OTOGL: variants seen among roughly 807,000 people sequenced by gnomAD.
OTOGL encodes the protein otogelin like.
In OTOGL, 285 loss-of-function variants were observed where a neutral mutation model predicts 318.5. The ratio of observed to expected loss-of-function variants is 0.89; its 90% CI spans 0.81 to 0.99. OTOGL has a LOEUF of 0.99. OTOGL is among the 50% of genes least tolerant of loss of function. The probability of loss-of-function intolerance (pLI) is 0.00; values close to 1 mark genes in which losing one functional copy is unlikely to be tolerated. For synonymous variants in OTOGL, 987 were observed against 936.5 expected (o/e 1.05, Z -0.99); for missense variants, 2,899 against 2,845.6 (o/e 1.02, Z -0.43).
At chr12:80,329,146 A>G in intron 37 of OTOGL, 27 bp downstream of exon 37, 1 of 1,450,706 alleles carries the variant, frequency 6.9e-7, no homozygotes, top group Non-Finnish European at 9.2e-7. Flanking sequence ...AGACAACAAA[A>G]GTAGCACTAT....
At chr12:80,169,174 A>T (rs945970845) in intron 1 of OTOGL, among the ~76,000 whole-genome samples, 1 of 152,126 alleles carries the variant, frequency 6.6e-6, no homozygotes. Context: ...ACTCAATTTG[A>T]AACCTGTGAA....
At chr12:80,296,450 C>T (rs1208666706) in intron 26 of OTOGL, among the ~76,000 whole-genome samples, 2 of 151,972 alleles carry the variant, frequency 1.3e-5, no homozygotes, top group African/African-American at 2.4e-5. Context: ...CCAGAAATAT[C>T]GTTTAAATAA....
At chr12:80,167,940 T>C (rs1873931962) in intron 1 of OTOGL, among the ~76,000 whole-genome samples, 1 of 151,928 alleles carries the variant, frequency 6.6e-6, no homozygotes, top group African/African-American at 2.4e-5. Context: ...TTTTTTCTTT[T>C]CTCCTCTCCT....
intron 1 of OTOGL, among the ~76,000 whole-genome samples, chr12:80,129,986 A>G (rs576751783): frequency 1.3e-5 from 2 of 152,180 alleles, no homozygotes; most frequent in African/African-American, 4.8e-5. Context: ...ATTTATCTCC[A>G]TTCTTTTCCT....
intron 1 of OTOGL, among the ~76,000 whole-genome samples, chr12:80,168,769 AT>A (rs1283257030): frequency 2.0e-5 from 3 of 152,180 alleles, no homozygotes; most frequent in African/African-American, 7.2e-5. Flanking sequence ...AAGTTATGAT[AT>A]CTTCTTTCAG....
At chr12:80,141,987 G>T (rs1018400548) in intron 1 of OTOGL, among the ~76,000 whole-genome samples, 2 of 152,004 alleles carry the variant, frequency 1.3e-5, no homozygotes, top group Admixed American at 6.6e-5. Flanking sequence ...TTCCTTTCTT[G>T]TCCTCCTGGG....
chr12:80,209,044 A>T (rs1256388748), intron 1 of OTOGL, among the ~76,000 whole-genome samples: 1 of 152,238 alleles, frequency 6.6e-6, no homozygotes, highest in Non-Finnish European at 1.5e-5. Flanking sequence ...GATTAGATCA[A>T]CCATTAGGAA....
At chr12:80,332,566 A>G (rs1433213854) in intron 37 of OTOGL, among the ~76,000 whole-genome samples, 1 of 152,326 alleles carries the variant, frequency 6.6e-6, no homozygotes, top group African/African-American at 2.4e-5. Flanking sequence ...TCTGCTCACA[A>G]GGAACACATT....
chr12:80,282,764 T>C (rs982789777), intron 26 of OTOGL, among the ~76,000 whole-genome samples: 2 of 151,944 alleles, frequency 1.3e-5, no homozygotes, highest in Non-Finnish European at 2.9e-5. Context: ...GTTGATTTTA[T>C]ATAAAATCCT....
intron 1 of OTOGL, among the ~76,000 whole-genome samples, chr12:80,100,150 T>A (rs1311682925): frequency 6.6e-6 from 1 of 152,224 alleles, no homozygotes; most frequent in Non-Finnish European, 1.5e-5. Context: ...AACCTATGGT[T>A]TCAGACAATG....
At chr12:80,234,587 C>T (rs7980251) in intron 9 of OTOGL, among the ~76,000 whole-genome samples, 43 of 152,160 alleles carry the variant, frequency 2.8e-4, no homozygotes, top group African/African-American at 9.6e-4. Context: ...TGAGACAATT[C>T]GTGTAAAACA....
intron 1 of OTOGL, chr12:80,102,846 T>C (rs1176677234): frequency 1.4e-5 from 10 of 708,626 alleles, no homozygotes; most frequent in Non-Finnish European, 2.0e-5. Flanking sequence ...ATAAGGCTCT[T>C]CTTTTTTTTC....
chr12:80,318,371 A>G (rs1404683136), intron 32 of OTOGL, among the ~76,000 whole-genome samples, 175 bp from the exon 33 acceptor site: 1 of 152,164 alleles, frequency 6.6e-6, no homozygotes, highest in African/African-American at 2.4e-5. Flanking sequence ...ATCTACATAT[A>G]CATCATTATA....
At chr12:80,105,174 C>A (rs555635756) in intron 1 of OTOGL, among the ~76,000 whole-genome samples, 1 of 152,076 alleles carries the variant, frequency 6.6e-6, no homozygotes, top group Admixed American at 6.6e-5. Flanking sequence ...ACTAAATTAG[C>A]AATTTCCTAT....
intron 44 of OTOGL, among the ~76,000 whole-genome samples, chr12:80,345,193 GTATATTA>G (rs1381334257): frequency 7.8e-6 from 1 of 127,690 alleles, no homozygotes; most frequent in Non-Finnish European, 1.6e-5. Context: ...TATTTATAAT[GTATATTA>G]TATATTATGT....
At chr12:80,377,759 G>A in intron 58 of OTOGL, 89 bp from the exon 59 acceptor site, 3 of 1,053,034 alleles carry the variant, frequency 2.8e-6, no homozygotes. Flanking sequence ...GAGGAAGAAA[G>A]ATTTTCATCA....
In OTOGL at chr12:80,328,910, C is replaced by T. The variant is rs921124434; in HGVS notation, c.4280-141C>T. 4 of 1,003,904 alleles carry T rather than the reference C, an allele frequency of 4.0e-6. No homozygotes were observed. The African/African-American group carries it at 6.6e-5, about 17-fold the overall frequency. The allele number at this position is 1,003,904 out of a possible 1,614,324, so 62.2% of individuals were successfully genotyped here. The stretch of plus-strand genomic sequence containing the variant: ...TTTTTTCCCTAATTACTTTTTAAAT[C>T]ATGTAGATCTTCCACTAACATCTCT... On this transcript the variant is annotated intron_variant, in intron 36 of 58. Coordinates refer to ENST00000547103, the MANE Select transcript of OTOGL (RefSeq NM_001378609.3).
intron 11 of OTOGL, among the ~76,000 whole-genome samples, chr12:80,251,321 T>C (rs993782914): frequency 3.3e-5 from 5 of 152,216 alleles, no homozygotes; most frequent in African/African-American, 1.2e-4. Context: ...TAACAGGACT[T>C]ATTAAATTCT....
intron 49 of OTOGL, among the ~76,000 whole-genome samples, chr12:80,357,813 G>A (rs1890002833): frequency 1.3e-5 from 2 of 152,130 alleles, no homozygotes; most frequent in Non-Finnish European, 2.9e-5. Flanking sequence ...GGTGTGGGTG[G>A]TGCATTTCCT....
Sources: gnomAD v4.1 joint callset for allele counts (sites outside exome capture counted in the v4.1 genomes callset) on GRCh38, gnomAD v4.1.1 for gene constraint, MANE v1.5 for transcripts, NCBI Gene and HGNC (gene_info 2026-07-23, HGNC 2026-07-21) for gene names.